Variants in UNC79 observed in about 807,000 individuals in gnomAD.
The protein encoded by UNC79 is unc-79 subunit of NALCN channel complex, also known as protein unc-79 homolog.
In UNC79, 37 loss-of-function variants were observed where a neutral mutation model predicts 283.1. That is an observed-to-expected ratio of 0.13 (90% CI 0.10 to 0.17). The LOEUF (loss-of-function observed/expected upper bound fraction) is 0.17. Ranked by LOEUF, UNC79 falls within the 10% of genes least tolerant of loss-of-function variation. UNC79 has a pLI of 1.00. For missense variants in UNC79, 2,272 were observed against 3,211.1 expected (o/e 0.71, Z 7.07); for synonymous variants, 1,107 against 1,200.2 (o/e 0.92, Z 1.61).
chr14:93,468,819 C>G (rs2057352781), intron 2 of UNC79, among the ~76,000 whole-genome samples: 1 of 152,162 alleles, frequency 6.6e-6, no homozygotes, highest in Non-Finnish European at 1.5e-5. Flanking sequence ...TGAAGGGCTC[C>G]TGCTTATCAG....
chr14:93,434,733 G>T (rs990851908), intron 1 of UNC79, among the ~76,000 whole-genome samples: 2 of 152,068 alleles, frequency 1.3e-5, no homozygotes, highest in Admixed American at 6.6e-5. Context: ...TATAAAATGG[G>T]GATAGTTATA....
At chr14:93,354,668 A>T (rs1348976516) in intron 1 of UNC79, among the ~76,000 whole-genome samples, 4 of 151,982 alleles carry the variant, frequency 2.6e-5, no homozygotes, top group Admixed American at 1.3e-4. Flanking sequence ...CAACAAATTA[A>T]AAAACTTTTT....
intron 26 of UNC79, among the ~76,000 whole-genome samples, chr14:93,605,655 T>C (rs571936698): frequency 6.6e-6 from 1 of 152,356 alleles, no homozygotes; most frequent in African/African-American, 2.4e-5. Flanking sequence ...TATCATGCTA[T>C]AGAACATTTG....
exon 26 of UNC79, chr14:93,603,284 C>T: frequency 3.1e-6 from 5 of 1,614,152 alleles, no homozygotes; most frequent in Non-Finnish European, 4.2e-6. Flanking sequence ...AGCGATGCAG[C>T]CTTATGGAAG....
At chr14:93,376,510 A>ATG (rs2054562622) in intron 1 of UNC79, among the ~76,000 whole-genome samples, 2 of 152,218 alleles carry the variant, frequency 1.3e-5, no homozygotes, top group African/African-American at 4.8e-5. Context: ...ACATATAGCT[A>ATG]TGTGTGTGTG....
chr14:93,534,980 C>G (rs1320197690), intron 11 of UNC79, among the ~76,000 whole-genome samples: 1 of 152,188 alleles, frequency 6.6e-6, no homozygotes, highest in African/African-American at 2.4e-5. Flanking sequence ...AGTTTGTATT[C>G]TACCTCTTTG....
At chr14:93,628,795 G>T (rs1053149650) in intron 30 of UNC79, among the ~76,000 whole-genome samples, 1 of 152,098 alleles carries the variant, frequency 6.6e-6, no homozygotes, top group Non-Finnish European at 1.5e-5. Flanking sequence ...AATGATGGAG[G>T]GCTGAGGAAA....
chr14:93,450,163 C>T (rs1378387813), intron 1 of UNC79, among the ~76,000 whole-genome samples: 4 of 152,056 alleles, frequency 2.6e-5, no homozygotes. Flanking sequence ...AAAATGTGGT[C>T]AGGGAGTGGG....
intron 14 of UNC79, among the ~76,000 whole-genome samples, chr14:93,557,454 C>T (rs577928842): frequency 6.6e-6 from 1 of 152,154 alleles, no homozygotes; most frequent in Admixed American, 6.5e-5. Flanking sequence ...GCTTCCCTAA[C>T]AAATCCAATA....
intron 1 of UNC79, among the ~76,000 whole-genome samples, chr14:93,352,941 A>G (rs923553575): frequency 3.9e-5 from 6 of 152,224 alleles, no homozygotes; most frequent in African/African-American, 1.4e-4. Context: ...TTTAAATGGA[A>G]CCTATTTATA....
At chr14:93,685,655 G>A (rs1003938955) in intron 42 of UNC79, among the ~76,000 whole-genome samples, 1 of 152,156 alleles carries the variant, frequency 6.6e-6, no homozygotes, top group Non-Finnish European at 1.5e-5. Context: ...TAATGTTCCA[G>A]ATTTTCCTGA....
chr14:93,412,984 A>C (rs145834226), intron 1 of UNC79, among the ~76,000 whole-genome samples: 13 of 152,310 alleles, frequency 8.5e-5, no homozygotes, highest in African/African-American at 2.9e-4. Context: ...TACACAAAAA[A>C]ACACAGAGTA....
Position 93,542,516 on chromosome 14 carries a change from G to A in UNC79, c.1575G>A (p.Arg525=), listed in dbSNP as rs774242377. Residue 525 remains arginine, a synonymous_variant, in exon 14 of 49, where the codon CGG becomes CGA. Coordinates refer to ENST00000555664, the Ensembl canonical transcript of UNC79. ...ACACGCCTACAGAAAGCTTGGCCCGGCTGGTGGCCATGGTGTTTCAGTGGT... is the reference window on the plus strand; with the variant it reads ...ACACGCCTACAGAAAGCTTGGCCCGACTGGTGGCCATGGTGTTTCAGTGGT... 8.7e-6 allele frequency: 14 copies of A among 1,614,096 alleles called. No individual in the cohort carries two copies. In the South Asian group the frequency reaches 1.3e-4, roughly 15 times the overall value.
intron 1 of UNC79, among the ~76,000 whole-genome samples, chr14:93,442,215 G>A (rs940792014): frequency 6.6e-6 from 1 of 151,956 alleles, no homozygotes; most frequent in Non-Finnish European, 1.5e-5. Context: ...CTTTCAATAA[G>A]TTCAAGATGT....
intron 20 of UNC79, among the ~76,000 whole-genome samples, chr14:93,583,950 C>T (rs969099635): frequency 1.3e-5 from 2 of 152,132 alleles, no homozygotes; most frequent in Admixed American, 1.3e-4. Flanking sequence ...GGACCACAGA[C>T]ATGCTCCACC....
intron 43 of UNC79, among the ~76,000 whole-genome samples, chr14:93,687,079 C>A (rs904772402): frequency 1.4e-4 from 22 of 152,172 alleles, no homozygotes; most frequent in African/African-American, 5.3e-4. Flanking sequence ...GTTTAATTAC[C>A]TTGAGCATCA....
At chr14:93,509,744 T>G (rs543074268) in intron 7 of UNC79, among the ~76,000 whole-genome samples, 1 of 152,216 alleles carries the variant, frequency 6.6e-6, no homozygotes, top group African/African-American at 2.4e-5. Flanking sequence ...TGCAGCTGCT[T>G]TCATGGGCTG....
chr14:93,352,275 T>G (rs900896385), intron 1 of UNC79, among the ~76,000 whole-genome samples: 3 of 152,192 alleles, frequency 2.0e-5, no homozygotes, highest in Non-Finnish European at 4.4e-5. Flanking sequence ...GCTGCCAATT[T>G]TGAACTTACT....
intron 5 of UNC79, among the ~76,000 whole-genome samples, chr14:93,491,574 A>G (rs1185278435): frequency 6.6e-6 from 1 of 152,106 alleles, no homozygotes; most frequent in Admixed American, 6.5e-5. Flanking sequence ...ACCCCCTGAA[A>G]CCAAGTGTCC....
Sources: allele counts gnomAD v4.1 joint callset (sites outside exome capture counted in the v4.1 genomes callset), GRCh38; gene constraint gnomAD v4.1.1; transcripts MANE v1.5; gene names NCBI Gene and HGNC (gene_info 2026-07-23, HGNC 2026-07-21).